Variants in MYT1L observed in about 807,000 individuals in gnomAD.
MYT1L encodes the protein myelin transcription factor 1 like.
A neutral mutation model predicts 126.7 loss-of-function variants in MYT1L; 12 were observed. The ratio of observed to expected loss-of-function variants is 0.09; its 90% CI spans 0.06 to 0.15. The LOEUF is 0.15. Among genes scored for constraint, MYT1L ranks in the 10% least tolerant of loss-of-function variants. The pLI, the probability that MYT1L is intolerant of heterozygous loss-of-function variation, is 1.00. For missense variants in MYT1L, 979 were observed against 1,585.2 expected, an observed-to-expected ratio of 0.62 and a Z score of 6.49; for synonymous variants, 541 against 604.2, an observed-to-expected ratio of 0.90 and a Z score of 1.53.
intron 4 of MYT1L, 43 bp from the exon 5 acceptor site, chr2:1,997,390 T>A (rs2061963821): frequency 6.6e-6 from 1 of 152,458 alleles, no homozygotes; most frequent in African/African-American, 2.4e-5. Context: ...CATGAATTCA[T>A]CGCCACCTTA....
intron 3 of MYT1L, among the ~76,000 whole-genome samples, chr2:2,139,231 T>C (rs935534433): frequency 1.3e-5 from 2 of 152,144 alleles, no homozygotes; most frequent in Non-Finnish European, 2.9e-5. Context: ...AGGGGAGACG[T>C]GGTCTCCAGA....
At chr2:2,047,190 T>C (rs770749478) in intron 4 of MYT1L, among the ~76,000 whole-genome samples, 8 of 152,216 alleles carry the variant, frequency 5.3e-5, no homozygotes, top group Non-Finnish European at 8.8e-5. Context: ...TCAGCAAGAT[T>C]TATTCATTTC....
chr2:1,915,712 C>A lies in MYT1L; in HGVS notation c.1618+1493G>T, dbSNP rs142606696. ...AAACCCAGGTTTCAGAGGAGACAGA[C>A]AGGCTCAGAGGTCAGTCGGATACGG... On this transcript the variant is annotated intron_variant, in intron 11 of 24. Transcript: ENST00000647738. Among the ~76,000 whole-genome samples, 71 of 152,314 alleles carry A rather than the reference C, an allele frequency of 4.7e-4. 1 individual carries two copies. In the East Asian group the frequency reaches 0.012, roughly 25 times the overall value.
At chr2:2,285,038 A>C (rs570575744) in intron 1 of MYT1L, among the ~76,000 whole-genome samples, 6 of 152,278 alleles carry the variant, frequency 3.9e-5, no homozygotes, top group African/African-American at 1.4e-4. Flanking sequence ...CTTTTAAAAT[A>C]AAAGTCTGTG....
At chr2:1,892,432 A>G in intron 14 of MYT1L, 145 bp from the exon 15 acceptor site, 1 of 1,105,008 alleles carries the variant, frequency 9.0e-7, no homozygotes, top group Non-Finnish European at 1.2e-6. Flanking sequence ...CGCGTAAAGA[A>G]AACAAACAAC....
chr2:1,934,076 G>A (rs1352196336), intron 9 of MYT1L, among the ~76,000 whole-genome samples: 3 of 146,906 alleles, frequency 2.0e-5, no homozygotes, highest in African/African-American at 2.5e-5. Flanking sequence ...CCAGGTTCAC[G>A]CCATGCTCCT....
chr2:1,919,962 C>A (rs1322757059), intron 10 of MYT1L, among the ~76,000 whole-genome samples: 1 of 115,328 alleles, frequency 8.7e-6, no homozygotes, highest in African/African-American at 5.3e-5. Context: ...TCGTGATCCA[C>A]CCGCACTATT....
At chr2:2,209,043 C>T (rs890132046) in intron 2 of MYT1L, among the ~76,000 whole-genome samples, 8 of 151,760 alleles carry the variant, frequency 5.3e-5, no homozygotes, top group Non-Finnish European at 8.8e-5. Flanking sequence ...AGATTCAAAG[C>T]CACTGAAATG....
intron 14 of MYT1L, among the ~76,000 whole-genome samples, chr2:1,894,822 G>A (rs557417733): frequency 3.9e-5 from 6 of 152,230 alleles, no homozygotes; most frequent in East Asian, 1.9e-4. Context: ...GAGACTTCTC[G>A]TCATGAGCCC....
At chr2:2,161,832 C>T (rs2148434914) in intron 3 of MYT1L, among the ~76,000 whole-genome samples, 1 of 152,220 alleles carries the variant, frequency 6.6e-6, no homozygotes, top group South Asian at 2.1e-4. Context: ...TTTTTATATC[C>T]AGGCCCTATA....
Position 2,172,904 on chromosome 2 carries a change from A to G in MYT1L, c.-336T>C, listed in dbSNP as rs72493309. 0.11 allele frequency: 16,256 copies of G among 152,434 alleles called. 856 individuals are homozygous for G. Among genetic ancestry groups the G allele is most frequent in the African/African-American group, 0.13 (5,493 of 41,576 alleles). 9.4% of individuals were successfully genotyped at this position (152,434 alleles called of 1,614,324 possible). A position where few individuals can be genotyped will look rare whatever the true frequency, so the allele number is the denominator to read the frequency against. On this transcript the variant is annotated 5_prime_UTR_variant, in exon 3 of 25. Transcript: ENST00000647738. ...GTTGCCGCGCCGGGTGGGTGATCTC[A>G]GGACCTGATATTCTTCCGCCGTCGA...
chr2:2,061,965 C>A (rs1461395028), intron 3 of MYT1L, among the ~76,000 whole-genome samples: 3 of 152,040 alleles, frequency 2.0e-5, no homozygotes, highest in Non-Finnish European at 4.4e-5. Flanking sequence ...CTAGCCATTT[C>A]TTTTGGCATT....
intron 19 of MYT1L, among the ~76,000 whole-genome samples, chr2:1,843,627 G>A (rs548656901): frequency 1.3e-5 from 2 of 152,098 alleles, no homozygotes; most frequent in African/African-American, 2.4e-5. Flanking sequence ...GGAGAATTAC[G>A]GTATCCTACC....
chr2:2,192,626 G>C (rs1266685767), intron 2 of MYT1L, among the ~76,000 whole-genome samples: 1 of 152,046 alleles, frequency 6.6e-6, no homozygotes, highest in Non-Finnish European at 1.5e-5. Context: ...CAAATGTCTG[G>C]CTGTTCATCT....
intron 3 of MYT1L, among the ~76,000 whole-genome samples, chr2:2,165,372 A>G (rs1043996560): frequency 3.3e-5 from 5 of 152,158 alleles, no homozygotes; most frequent in Non-Finnish European, 5.9e-5. Flanking sequence ...AGGTGACCAC[A>G]GACATCCACA....
chr2:1,937,346 C>T (rs2056049622), intron 9 of MYT1L, among the ~76,000 whole-genome samples: 2 of 152,194 alleles, frequency 1.3e-5, no homozygotes, highest in African/African-American at 2.4e-5. Context: ...TGTCTGCAGC[C>T]ATCAGATCGC....
chr2:1,884,824 G>C (rs768000866), intron 18 of MYT1L, among the ~76,000 whole-genome samples: 4 of 152,196 alleles, frequency 2.6e-5, no homozygotes, highest in Non-Finnish European at 5.9e-5. Context: ...TGCGCACCCT[G>C]CCCTGGAAGG....
chr2:1,979,341 A>G lies in MYT1L; in HGVS notation c.90-114T>C, dbSNP rs934964621. The stretch of plus-strand genomic sequence containing the variant: ...TCAGACAGAGGAGAGAAATCACACA[A>G]TCCAAAGGAGGGGGAAATTCGGGGA... On this transcript the variant is annotated intron_variant, in intron 7 of 24. Transcript: ENST00000647738. This position sits in a 1 kb window ranked among gnomAD's most constrained non-coding sequence, Gnocchi z 4.0. 2 of 1,140,696 alleles carry G rather than the reference A, an allele frequency of 1.8e-6. No homozygotes were observed. The highest frequency in any genetic ancestry group is 3.1e-5 in the African/African-American group (2 of 64,876). 70.7% of individuals were successfully genotyped at this position (1,140,696 alleles called of 1,614,324 possible).
intron 16 of MYT1L, among the ~76,000 whole-genome samples, chr2:1,888,050 A>ATGCT (rs773817783): frequency 3.3e-5 from 5 of 152,242 alleles, no homozygotes; most frequent in African/African-American, 7.2e-5. Flanking sequence ...TTACAAGCAC[A>ATGCT]TGCTTTAAGA....
Sources: allele counts gnomAD v4.1 joint callset (sites outside exome capture counted in the v4.1 genomes callset), GRCh38; gene constraint gnomAD v4.1.1; non-coding constraint Gnocchi (gnomAD v3.1); transcripts MANE v1.5; gene names NCBI Gene and HGNC (gene_info 2026-07-23, HGNC 2026-07-21).